The following TTC3 variants were observed in gnomAD, a reference collection of about 807,000 sequenced individuals.
TTC3 encodes the protein tetratricopeptide repeat domain 3.
Under a neutral mutation model 249.6 loss-of-function variants are expected in TTC3, and 180 were observed. The ratio of observed to expected loss-of-function variants is 0.72; its 90% CI spans 0.64 to 0.82. The LOEUF (loss-of-function observed/expected upper bound fraction) is 0.82. Among genes scored for constraint, TTC3 ranks in the 40% least tolerant of loss-of-function variants. The probability of loss-of-function intolerance (pLI) is 0.00; values close to 1 mark genes in which losing one functional copy is unlikely to be tolerated. For synonymous variants in TTC3, 717 were observed against 805.0 expected (o/e 0.89, Z 1.85); for missense variants, 2,061 against 2,398.4 (o/e 0.86, Z 2.94).
intron 31 of TTC3, among the ~76,000 whole-genome samples, 156 bp downstream of exon 31, chr21:37,162,219 A>G (rs943605688): frequency 1.3e-5 from 2 of 152,208 alleles, no homozygotes; most frequent in Non-Finnish European, 2.9e-5. Flanking sequence ...CATCTTGATT[A>G]CATTTATATA....
chr21:37,096,568 G>GT lies in TTC3; in HGVS notation c.783-12dup. 6.3e-7 allele frequency: 1 copy of GT among 1,596,836 alleles called. No individual in the cohort carries two copies. The highest frequency in any genetic ancestry group is 1.7e-4 in the Middle Eastern group (1 of 6,000). On this transcript the variant is annotated splice_polypyrimidine_tract_variant and intron_variant, in intron 9 of 45. Transcript: ENST00000355666. ...TAATGTGCTTTACTGACTAAACATT[G>GT]TATCTTTTTAAGACCTGAAAACTAC... is the stretch of plus-strand genomic sequence containing the variant.
At chr21:37,081,377 A>AGCCTC (rs1471010352) in intron 1 of TTC3, among the ~76,000 whole-genome samples, 98 of 151,958 alleles carry the variant, frequency 6.4e-4, no homozygotes, top group Non-Finnish European at 8.2e-4. Context: ...CAGCCTCCCA[A>AGCCTC]AGTGCTGGGA....
chr21:37,154,897 G>A (rs565973145), intron 27 of TTC3, among the ~76,000 whole-genome samples: 7 of 152,162 alleles, frequency 4.6e-5, no homozygotes, highest in African/African-American at 1.2e-4. Flanking sequence ...GGGTTTCACC[G>A]TGTTAGCCAG....
rs138862573 is a variant in TTC3 at position 37,190,130 on chromosome 21, C to CTTTTTTTTT, written c.5025-1183_5025-1175dup. 8.9e-4 allele frequency among the ~76,000 whole-genome samples: 58 copies of CTTTTTTTTT among 65,050 alleles called. 3 individuals carry two copies. Among genetic ancestry groups the CTTTTTTTTT allele is most frequent in the East Asian group, 2.3e-3 (4 of 1,712 alleles). 42.7% of individuals were successfully genotyped at this position (65,050 alleles called of 152,430 possible). On this transcript the variant is annotated intron_variant, in intron 39 of 45. Transcript: ENST00000355666. ...TTTTAGTGTATAGTTCTTTTTCTTTCTTTTTTTTTTTTTTTTTTTTTTTTT... is the reference window on the plus strand; with the variant it reads ...TTTTAGTGTATAGTTCTTTTTCTTTCTTTTTTTTTTTTTTTTTTTTTTTTTTTTTTTTTT...
intron 6 of TTC3, chr21:37,090,517 C>A: frequency 2.3e-6 from 2 of 873,378 alleles, no homozygotes; most frequent in Non-Finnish European, 2.7e-6. Flanking sequence ...GCCTATTTTA[C>A]AAGTTGATTC....
chr21:37,143,384 TC>T (rs956250067), intron 20 of TTC3, among the ~76,000 whole-genome samples: 133 of 151,840 alleles, frequency 8.8e-4, no homozygotes, highest in African/African-American at 2.9e-3. Flanking sequence ...TACAAAGAAC[TC>T]AAACAAATTT....
intron 10 of TTC3, among the ~76,000 whole-genome samples, chr21:37,100,114 G>T (rs1226045286): frequency 6.6e-6 from 1 of 152,172 alleles, no homozygotes; most frequent in Non-Finnish European, 1.5e-5. Context: ...GAGTGGCTGG[G>T]GAGAGAAGGA....
At chr21:37,095,570 C>G in intron 9 of TTC3, 126 bp downstream of exon 9, 3 of 632,374 alleles carry the variant, frequency 4.7e-6, no homozygotes, top group Non-Finnish European at 7.8e-6. Context: ...AATAGATTTT[C>G]TCATCCTTGG....
intron 1 of TTC3, among the ~76,000 whole-genome samples, chr21:37,078,099 G>A: frequency 6.6e-6 from 1 of 151,730 alleles, no homozygotes; most frequent in African/African-American, 2.4e-5. Flanking sequence ...TATTGAATTG[G>A]CCCTCTGTTC....
chr21:37,188,600 T>A lies in TTC3; in HGVS notation c.5024+5T>A. On this transcript the variant is annotated splice_donor_5th_base_variant and intron_variant, in intron 39 of 45. Coordinates refer to ENST00000355666, the Ensembl canonical transcript of TTC3. ...GAAGCTGGGGCTGATTAGCCGGTAT[T>A]GCAGTTTCGTGGGTGTTCTCAGCAC... is the stretch of plus-strand genomic sequence containing the variant. 6.2e-7 allele frequency: 1 copy of A among 1,612,384 alleles called. No homozygotes were observed. The highest frequency in any genetic ancestry group is 1.3e-5 in the African/African-American group (1 of 75,014).
intron 11 of TTC3, among the ~76,000 whole-genome samples, chr21:37,114,832 C>A (rs2075987461): frequency 6.6e-6 from 1 of 152,114 alleles, no homozygotes; most frequent in Non-Finnish European, 1.5e-5. Context: ...CACATATACA[C>A]CATGGAATAC....
chr21:37,182,809 T>C (rs780440975), exon 36 of TTC3: 1 of 1,595,752 alleles, frequency 6.3e-7, no homozygotes. Flanking sequence ...TCCTTCAAGA[T>C]TTGGAAAGAG....
At chr21:37,180,777 A>T (rs989146093) in intron 35 of TTC3, among the ~76,000 whole-genome samples, 4 of 151,794 alleles carry the variant, frequency 2.6e-5, no homozygotes, top group Admixed American at 1.3e-4. Flanking sequence ...AAATGGCTTT[A>T]TAAGGAGAAA....
rs746628159 is a variant in TTC3, at chr21:37,185,772, CA to C, written c.4825del (p.Ser1609AlafsTer9). 3.9e-6 allele frequency: 6 copies of C among 1,532,550 alleles called. No homozygotes were observed. The highest frequency in any genetic ancestry group is 4.4e-6 in the Non-Finnish European group (5 of 1,142,466). The allele number at this position is 1,532,550 out of a possible 1,614,324, so 94.9% of individuals were successfully genotyped here. On this transcript the variant is annotated frameshift_variant and splice_region_variant, in exon 37 of 46. Coordinates refer to ENST00000355666, the Ensembl canonical transcript of TTC3. LOFTEE classifies it high-confidence loss of function. The stretch of plus-strand genomic sequence containing the variant: ...TACATCTGGATCAGTCCCTTGAAAT[CA>C]GGCAAATTAAGCTTAAATTTATTTT...
intron 27 of TTC3, 152 bp downstream of exon 27, chr21:37,153,429 A>G: frequency 4.0e-6 from 3 of 759,302 alleles, no homozygotes. Context: ...AGTCCCAGCT[A>G]CTTGGGAGGC....
chr21:37,162,006 C>A lies in TTC3; in HGVS notation c.3113C>A (p.Ser1038Tyr). The change falls in exon 31 of 46, where the codon TCT becomes TAT. Residue 1038 changes from serine (S) to tyrosine (Y), a missense_variant. Physicochemically the swap from Ser to Tyr is moderately radical, Grantham distance 144 (BLOSUM62 -2). Coordinates refer to ENST00000355666, the Ensembl canonical transcript of TTC3. ...TTAAACCAGCCTATGTTAGTTGGGT[C>A]TGGAACAACTTCAGTAACTTCAAAT... The A allele has an allele frequency of 6.3e-7, 1 of 1,590,626 alleles. No individual in the cohort carries two copies. The highest frequency in any genetic ancestry group is 8.6e-7 in the Non-Finnish European group (1 of 1,165,734).
At chr21:37,152,401 T>C (rs1244188183) in intron 26 of TTC3, among the ~76,000 whole-genome samples, 1 of 151,516 alleles carries the variant, frequency 6.6e-6, no homozygotes, top group South Asian at 2.1e-4. Flanking sequence ...TGTTTTTTTT[T>C]TTTGAGACGG....
At chr21:37,197,623 T>A in exon 43 of TTC3, 1 of 1,612,200 alleles carries the variant, frequency 6.2e-7, no homozygotes, top group Non-Finnish European at 8.5e-7. Context: ...AAGAACTCAC[T>A]CTCAGGATTG....
At chr21:37,197,754 T>TTA in intron 43 of TTC3, 58 bp downstream of exon 43, 4 of 1,361,874 alleles carry the variant, frequency 2.9e-6, no homozygotes, top group African/African-American at 1.5e-5. Flanking sequence ...TGAGAATTGT[T>TTA]AAAAAAAAAA....
Sources: allele counts gnomAD v4.1 joint callset (sites outside exome capture counted in the v4.1 genomes callset), GRCh38; gene constraint gnomAD v4.1.1; transcripts MANE v1.5; gene names NCBI Gene and HGNC (gene_info 2026-07-23, HGNC 2026-07-21).